GSAP: variants seen among roughly 807,000 people sequenced by gnomAD.
GSAP encodes gamma-secretase-activating protein.
A neutral mutation model predicts 131.7 loss-of-function variants in GSAP; 118 were observed. The observed-to-expected ratio is 0.90, with a 90% CI of 0.77 to 1.04. GSAP has a LOEUF of 1.04. Ranked by LOEUF, GSAP falls within the 50% of genes least tolerant of loss-of-function variation. The pLI, the probability that GSAP is intolerant of heterozygous loss-of-function variation, is 0.00. For missense variants in GSAP, 1,019 were observed against 1,013.2 expected (o/e 1.01, Z -0.08); for synonymous variants, 381 against 363.4 (o/e 1.05, Z -0.55).
At chr7:77,329,044 C>T (rs527787565) in intron 21 of GSAP, among the ~76,000 whole-genome samples, 8 of 152,172 alleles carry the variant, frequency 5.3e-5, no homozygotes, top group African/African-American at 1.7e-4. Context: ...TACTATTTGC[C>T]TTTCTCTCCT....
chr7:77,320,514 A>G (rs1787489353), intron 26 of GSAP, among the ~76,000 whole-genome samples: 2 of 152,284 alleles, frequency 1.3e-5, no homozygotes, highest in Admixed American at 1.3e-4. Context: ...TAGGTTCCCT[A>G]AAGTTAGTAA....
At chr7:77,408,184 T>A (rs1213349590) in intron 1 of GSAP, among the ~76,000 whole-genome samples, 1 of 152,240 alleles carries the variant, frequency 6.6e-6, no homozygotes, top group African/African-American at 2.4e-5. Context: ...TGTGAACTTA[T>A]AACTTGTGTC....
At chr7:77,345,986 A>C (rs1446925656) in intron 19 of GSAP, among the ~76,000 whole-genome samples, 2 of 152,188 alleles carry the variant, frequency 1.3e-5, no homozygotes, top group Non-Finnish European at 2.9e-5. Flanking sequence ...CCTTAGGGGA[A>C]TAGATCAAAA....
At chr7:77,363,159 T>C (rs1035738900) in intron 12 of GSAP, among the ~76,000 whole-genome samples, 4 of 152,244 alleles carry the variant, frequency 2.6e-5, no homozygotes, top group Non-Finnish European at 4.4e-5. Context: ...TGTGAGTCCA[T>C]ATCCATCCGT....
At chr7:77,336,878 T>C (rs1039450171) in intron 19 of GSAP, among the ~76,000 whole-genome samples, 28 of 152,226 alleles carry the variant, frequency 1.8e-4, no homozygotes, top group African/African-American at 6.5e-4. Context: ...TGGTATCCAC[T>C]GGCCTCACTA....
chr7:77,313,319 AAACAG>A (rs1794614088), intron 28 of GSAP, among the ~76,000 whole-genome samples, 164 bp downstream of exon 28: 1 of 152,242 alleles, frequency 6.6e-6, no homozygotes, highest in South Asian at 2.1e-4. Flanking sequence ...GCCAAGTGGG[AAACAG>A]CTAACAGAGG....
At chr7:77,373,063 G>C (rs1347242428) in intron 12 of GSAP, among the ~76,000 whole-genome samples, 2 of 152,160 alleles carry the variant, frequency 1.3e-5, no homozygotes, top group Non-Finnish European at 2.9e-5. Context: ...AGAATGGAAT[G>C]GGATGGAATA....
chr7:77,412,062 C>G (rs1189876127), intron 1 of GSAP, among the ~76,000 whole-genome samples: 1 of 152,138 alleles, frequency 6.6e-6, no homozygotes, highest in Non-Finnish European at 1.5e-5. Flanking sequence ...GCCCGTAATC[C>G]CAGCTACTTG....
chr7:77,312,132 A>C lies in GSAP; in HGVS notation c.2342T>G (p.Val781Gly). 1 of 1,603,036 alleles carries C rather than the reference A, an allele frequency of 6.2e-7. No homozygotes were observed. The highest frequency in any genetic ancestry group is 8.5e-7 in the Non-Finnish European group (1 of 1,175,276). ...MSSNIISRNH[V>G]TRLLQNYKKQ... Reference sequence around the variant, plus strand: ...CTTATAGTTCTGAAGCAGTCGCGTCACGTGGTTCCGCGAAATGATGTTAGA... The same window carrying C: ...CTTATAGTTCTGAAGCAGTCGCGTCCCGTGGTTCCGCGAAATGATGTTAGA... Residue 781 changes from valine (V) to glycine (G), a missense_variant, in exon 29 of 31, where the codon GTG becomes GGG. Physicochemically the swap from Val to Gly is moderately radical, Grantham distance 109. Transcript: ENST00000257626.
intron 12 of GSAP, among the ~76,000 whole-genome samples, chr7:77,363,168 G>A (rs570305894): frequency 7.2e-5 from 11 of 152,346 alleles, no homozygotes; most frequent in Non-Finnish European, 7.3e-5. Flanking sequence ...ATATCCATCC[G>A]TAACTGAGTC....
chr7:77,321,764 A>G (rs1031744214), intron 24 of GSAP, among the ~76,000 whole-genome samples: 8 of 152,212 alleles, frequency 5.3e-5, no homozygotes. Flanking sequence ...AACAGTGGAC[A>G]GTCAGAAGAA....
At chr7:77,328,960 T>A (rs974632734) in intron 21 of GSAP, among the ~76,000 whole-genome samples, 1 of 151,522 alleles carries the variant, frequency 6.6e-6, no homozygotes, top group African/African-American at 2.4e-5. Context: ...GACTCATATA[T>A]CCAGAAAATA....
At chr7:77,389,686 T>C (rs1199777426) in intron 5 of GSAP, among the ~76,000 whole-genome samples, 1 of 151,534 alleles carries the variant, frequency 6.6e-6, no homozygotes, top group Non-Finnish European at 1.5e-5. Flanking sequence ...TCTATCATTG[T>C]TGGACATTTG....
At chr7:77,361,439 T>C (rs1794507941) in intron 13 of GSAP, among the ~76,000 whole-genome samples, 1 of 152,214 alleles carries the variant, frequency 6.6e-6, no homozygotes. Flanking sequence ...TAGAAAAATG[T>C]GTGAAAAATT....
intron 1 of GSAP, among the ~76,000 whole-genome samples, chr7:77,414,431 A>G (rs984815964): frequency 6.6e-6 from 1 of 152,216 alleles, no homozygotes; most frequent in Admixed American, 6.5e-5. Context: ...CAGAGGTGAT[A>G]ATTCTCTTAG....
chr7:77,360,894 G>A lies in GSAP; in HGVS notation c.957C>T (p.Ser319=), dbSNP rs1794436172. ...TCTCAAGAGAAGTGGTGAAGGTCTT[G>A]CTGTGTCCTGCAAAGAGAGAATATG... ...YSVFYIHKGH[S]KTFTTSLENV... is the part of the protein sequence containing the mutation. Residue 319 remains serine, a synonymous_variant, in exon 14 of 31, where the codon AGC becomes AGT. Transcript: ENST00000257626. The A allele has an allele frequency of 2.5e-6, 4 of 1,584,730 alleles. No homozygotes were observed. Among genetic ancestry groups the A allele is most frequent in the Middle Eastern group, 3.3e-4 (2 of 6,012 alleles).
intron 14 of GSAP, among the ~76,000 whole-genome samples, chr7:77,358,403 A>G (rs1794067658): frequency 6.6e-6 from 1 of 152,224 alleles, no homozygotes; most frequent in South Asian, 2.1e-4. Context: ...TAAATTTGTT[A>G]TATTTTATTT....
At chr7:77,384,345 A>C (rs568173239) in intron 6 of GSAP, among the ~76,000 whole-genome samples, 60 of 152,326 alleles carry the variant, frequency 3.9e-4, no homozygotes, top group Non-Finnish European at 7.3e-4. Context: ...TTATTTTAAA[A>C]GTCCCGTTCA....
intron 9 of GSAP, 72 bp downstream of exon 9, chr7:77,377,214 C>A (rs1342901992): frequency 1.5e-4 from 175 of 1,187,924 alleles, no homozygotes; most frequent in Non-Finnish European, 1.8e-4. Flanking sequence ...AAGACCCTGT[C>A]TCTAAAAAAA....
Sources: gnomAD v4.1 joint callset for allele counts (sites outside exome capture counted in the v4.1 genomes callset) on GRCh38, gnomAD v4.1.1 for gene constraint, MANE v1.5 for transcripts, NCBI Gene and HGNC (gene_info 2026-07-23, HGNC 2026-07-21) for gene names.